The following GRM7 variants were observed in gnomAD, a reference collection of about 807,000 sequenced individuals.
The protein encoded by GRM7 is metabotropic glutamate receptor 7.
GRM7 carries 35 observed loss-of-function variants against 84.5 expected under a neutral mutation model. That is an observed-to-expected ratio of 0.41 (90% confidence interval 0.32 to 0.55). GRM7 has a LOEUF of 0.55. Ranked by LOEUF, GRM7 falls within the 20% of genes least tolerant of loss-of-function variation. The pLI is 0.19. For synonymous variants in GRM7, 487 were observed against 455.1 expected (o/e 1.07, Z -0.89); for missense variants, 1,003 against 1,194.6 (o/e 0.84, Z 2.36).
At chr3:7,054,938 G>T (rs1697158110) in intron 1 of GRM7, among the ~76,000 whole-genome samples, 1 of 151,966 alleles carries the variant, frequency 6.6e-6, no homozygotes, top group Non-Finnish European at 1.5e-5. Context: ...GTGGCAGTGA[G>T]CTGGGGAATT....
chr3:7,219,667 T>C (rs566834125), intron 2 of GRM7, among the ~76,000 whole-genome samples: 7 of 152,184 alleles, frequency 4.6e-5, no homozygotes, highest in Non-Finnish European at 1.0e-4. Context: ...TTTGTGTGCA[T>C]GGGTTAGTGT....
intron 8 of GRM7, among the ~76,000 whole-genome samples, chr3:7,648,062 T>C (rs1479695678): frequency 1.3e-5 from 2 of 152,064 alleles, no homozygotes; most frequent in African/African-American, 2.4e-5. Flanking sequence ...CAGTGCTCAG[T>C]AGAGGCCCTA....
At chr3:6,946,301 A>G (rs1698079349) in intron 1 of GRM7, among the ~76,000 whole-genome samples, 2 of 152,150 alleles carry the variant, frequency 1.3e-5, no homozygotes. Context: ...TCCCAGCACC[A>G]TTTATTAAAC....
chr3:7,295,979 C>G (rs1699800941), intron 2 of GRM7, among the ~76,000 whole-genome samples: 1 of 152,028 alleles, frequency 6.6e-6, no homozygotes, highest in South Asian at 2.1e-4. Flanking sequence ...CTTGTGGTCT[C>G]TTACTATTAA....
intron 2 of GRM7, among the ~76,000 whole-genome samples, chr3:7,184,596 C>T (rs1308077476): frequency 1.3e-5 from 2 of 152,096 alleles, no homozygotes; most frequent in African/African-American, 4.8e-5. Flanking sequence ...ACTGCTTTCT[C>T]TCTCCATGAA....
chr3:7,128,783 C>T (rs1693490536), intron 1 of GRM7, among the ~76,000 whole-genome samples: 1 of 151,896 alleles, frequency 6.6e-6, no homozygotes. Context: ...GCTAGGATTG[C>T]AGGCGTAAGC....
At chr3:7,247,929 A>G (rs1290002821) in intron 2 of GRM7, among the ~76,000 whole-genome samples, 1 of 152,162 alleles carries the variant, frequency 6.6e-6, no homozygotes, top group Non-Finnish European at 1.5e-5. Flanking sequence ...GGCTACAACT[A>G]CAACTACAAA....
intron 4 of GRM7, among the ~76,000 whole-genome samples, chr3:7,334,337 C>G (rs1392465081): frequency 1.3e-5 from 2 of 151,888 alleles, no homozygotes; most frequent in Non-Finnish European, 2.9e-5. Context: ...CCTGTCAGCT[C>G]AGACAAACAA....
intron 1 of GRM7, among the ~76,000 whole-genome samples, chr3:7,128,261 T>G (rs540719246): frequency 1.1e-4 from 17 of 152,028 alleles, no homozygotes; most frequent in African/African-American, 3.9e-4. Context: ...TCATTTTGCT[T>G]GATATTTTAG....
intron 1 of GRM7, among the ~76,000 whole-genome samples, chr3:6,946,581 T>A (rs1395415399): frequency 6.6e-6 from 1 of 152,220 alleles, no homozygotes; most frequent in Non-Finnish European, 1.5e-5. Context: ...AAGTAGTTTT[T>A]TCCAATTCTG....
intron 1 of GRM7, among the ~76,000 whole-genome samples, chr3:6,939,603 C>G (rs1474803424): frequency 6.6e-6 from 1 of 152,100 alleles, no homozygotes; most frequent in African/African-American, 2.4e-5. Flanking sequence ...TTAATTTCAA[C>G]TCTGTGTCAA....
At chr3:7,043,004 G>A (rs1696684283) in intron 1 of GRM7, among the ~76,000 whole-genome samples, 1 of 152,188 alleles carries the variant, frequency 6.6e-6, no homozygotes, top group African/African-American at 2.4e-5. Context: ...CTAGATCAGT[G>A]TTAAAGAGCT....
intron 2 of GRM7, among the ~76,000 whole-genome samples, chr3:7,207,817 A>G (rs997178450): frequency 3.9e-5 from 6 of 152,240 alleles, no homozygotes; most frequent in Non-Finnish European, 7.3e-5. Context: ...TTCTTTCCAA[A>G]TCATACTGGT....
At chr3:7,543,011 G>T (rs929459188) in intron 7 of GRM7, among the ~76,000 whole-genome samples, 2 of 152,098 alleles carry the variant, frequency 1.3e-5, no homozygotes, top group Non-Finnish European at 2.9e-5. Flanking sequence ...CACAATTGCA[G>T]CACAGTGCTT....
chr3:7,430,790 G>T (rs961961964), intron 5 of GRM7, among the ~76,000 whole-genome samples: 1 of 152,164 alleles, frequency 6.6e-6, no homozygotes, highest in East Asian at 1.9e-4. Context: ...AGTCTCAGAA[G>T]ATACAGATAG....
chr3:7,126,748 C>T (rs906271566), intron 1 of GRM7, among the ~76,000 whole-genome samples: 1 of 152,170 alleles, frequency 6.6e-6, no homozygotes, highest in African/African-American at 2.4e-5. Context: ...GCTTCTCCTT[C>T]CTTTTCTTTA....
At chr3:7,436,626 T>C (rs1697067233) in intron 5 of GRM7, among the ~76,000 whole-genome samples, 1 of 152,200 alleles carries the variant, frequency 6.6e-6, no homozygotes, top group Admixed American at 6.5e-5. Context: ...GTCATGCTCC[T>C]CTGAATATTG....
chr3:7,488,385 A>C (rs896507770), intron 7 of GRM7, among the ~76,000 whole-genome samples: 3 of 152,122 alleles, frequency 2.0e-5, no homozygotes, highest in Non-Finnish European at 4.4e-5. Flanking sequence ...CTCAAGTTAA[A>C]GTTTGCTCCC....
intron 1 of GRM7, among the ~76,000 whole-genome samples, chr3:6,985,351 C>G (rs1190616963): frequency 6.6e-6 from 1 of 152,018 alleles, no homozygotes; most frequent in Non-Finnish European, 1.5e-5. Context: ...CATCTTCACC[C>G]ACCCTCCACT....
Sources: allele counts gnomAD v4.1 joint callset (sites outside exome capture counted in the v4.1 genomes callset), GRCh38; gene constraint gnomAD v4.1.1; transcripts MANE v1.5; gene names NCBI Gene and HGNC (gene_info 2026-07-23, HGNC 2026-07-21).